NRG3: variants seen among roughly 807,000 people sequenced by gnomAD.
The protein encoded by NRG3 is neuregulin 3, also known as pro-neuregulin-3, membrane-bound isoform.
In NRG3, 31 loss-of-function variants were observed where a neutral mutation model predicts 66.9. The observed-to-expected ratio is 0.46, with a 90% CI of 0.35 to 0.63. NRG3 has a LOEUF of 0.63. NRG3 is among the 20% of genes least tolerant of loss of function. The probability of loss-of-function intolerance (pLI) is 0.00; values close to 1 mark genes in which losing one functional copy is unlikely to be tolerated. For missense variants in NRG3, 910 were observed against 878.9 expected (o/e 1.04, Z -0.45); for synonymous variants, 393 against 359.4 (o/e 1.09, Z -1.06).
rs561664583 is a variant in NRG3 at position 82,403,959 on chromosome 10, C to T, written c.953+45091C>T. 2.0e-5 allele frequency among the ~76,000 whole-genome samples: 3 copies of T among 152,018 alleles called. No homozygotes were observed. The South Asian group carries it at 6.3e-4, about 32-fold the overall frequency. The stretch of plus-strand genomic sequence containing the variant: ...ATATATGAAAAACAATTTTGTATGC[C>T]CTGAATTATTTATGGAATTTTGTAA... On this transcript the variant is annotated intron_variant, in intron 2 of 8. Coordinates refer to ENST00000372141, the MANE Select transcript of NRG3 (RefSeq NM_001010848.4).
intron 3 of NRG3, among the ~76,000 whole-genome samples, chr10:82,853,049 A>G (rs2063639044): frequency 6.6e-6 from 1 of 152,202 alleles, no homozygotes; most frequent in Non-Finnish European, 1.5e-5. Flanking sequence ...AGAATAGGGT[A>G]AGGCAGGATT....
chr10:82,378,952 G>T (rs983914403), intron 2 of NRG3, among the ~76,000 whole-genome samples: 3 of 152,104 alleles, frequency 2.0e-5, no homozygotes, highest in African/African-American at 7.2e-5. Context: ...CAGACTATAA[G>T]GATAAGAGCA....
intron 4 of NRG3, among the ~76,000 whole-genome samples, chr10:82,927,740 T>C (rs1453122599): frequency 2.0e-5 from 3 of 152,230 alleles, no homozygotes; most frequent in Non-Finnish European, 4.4e-5. Flanking sequence ...ATGCAGTCTA[T>C]CATTGATGAG....
At chr10:82,095,307 A>G (rs1039413753) in intron 1 of NRG3, among the ~76,000 whole-genome samples, 36 of 152,264 alleles carry the variant, frequency 2.4e-4, no homozygotes, top group African/African-American at 8.4e-4. Context: ...AGCCAAAAAA[A>G]AAAAATGAGA....
intron 3 of NRG3, among the ~76,000 whole-genome samples, chr10:82,820,070 G>GCAA (rs2061881653): frequency 6.6e-6 from 1 of 152,152 alleles, no homozygotes; most frequent in Admixed American, 6.5e-5. Context: ...GTTTCCGAGA[G>GCAA]CAACAAAGTG....
At chr10:82,108,920 A>G (rs1402724695) in intron 1 of NRG3, among the ~76,000 whole-genome samples, 3 of 152,132 alleles carry the variant, frequency 2.0e-5, no homozygotes, top group African/African-American at 7.2e-5. Context: ...TTCCTGCTAT[A>G]TGAGCAACAT....
chr10:82,515,092 G>C (rs1435829157), intron 2 of NRG3, among the ~76,000 whole-genome samples: 1 of 152,118 alleles, frequency 6.6e-6, no homozygotes, highest in Non-Finnish European at 1.5e-5. Context: ...CAGACTCCCT[G>C]ATTTTTGCTA....
At chr10:82,711,152 C>T (rs141417877) in intron 2 of NRG3, among the ~76,000 whole-genome samples, 1,645 of 152,282 alleles carry the variant, frequency 0.011, 30 homozygotes, top group African/African-American at 0.038. Context: ...TATCATAGCT[C>T]ACTGCAGCCT....
At chr10:82,068,412 A>G (rs1270970256) in intron 1 of NRG3, among the ~76,000 whole-genome samples, 4 of 152,210 alleles carry the variant, frequency 2.6e-5, no homozygotes, top group Admixed American at 6.5e-5. Context: ...TATCAAGCAC[A>G]TACTACATGA....
At chr10:82,009,013 A>G (rs868337736) in intron 1 of NRG3, among the ~76,000 whole-genome samples, 26 of 152,322 alleles carry the variant, frequency 1.7e-4, no homozygotes, top group Middle Eastern at 6.8e-3. Flanking sequence ...AGTTTCAAGT[A>G]TGAACTTGAT....
At chr10:82,622,104 G>T (rs1380291537) in intron 2 of NRG3, among the ~76,000 whole-genome samples, 1 of 152,156 alleles carries the variant, frequency 6.6e-6, no homozygotes, top group Non-Finnish European at 1.5e-5. Flanking sequence ...TTGCAAGGAG[G>T]TAAGACTACC....
intron 5 of NRG3, among the ~76,000 whole-genome samples, chr10:82,955,477 G>C (rs1399909724): frequency 6.6e-6 from 1 of 151,918 alleles, no homozygotes; most frequent in Non-Finnish European, 1.5e-5. Flanking sequence ...AACTTATGTA[G>C]TTAAGAATGA....
chr10:81,973,809 C>A (rs1023361171), intron 1 of NRG3, among the ~76,000 whole-genome samples: 2 of 152,006 alleles, frequency 1.3e-5, no homozygotes, highest in African/African-American at 4.8e-5. Flanking sequence ...AGATATTAGA[C>A]CTTTGTCAGA....
intron 2 of NRG3, among the ~76,000 whole-genome samples, chr10:82,515,168 G>A (rs367938215): frequency 7.9e-5 from 12 of 152,192 alleles, no homozygotes; most frequent in Middle Eastern, 3.4e-3. Flanking sequence ...ACTATATGAT[G>A]TAAGTTTCCA....
chr10:82,972,315 G>A (rs1462447534), intron 6 of NRG3, among the ~76,000 whole-genome samples: 1 of 151,922 alleles, frequency 6.6e-6, no homozygotes, highest in Non-Finnish European at 1.5e-5. Context: ...ATCCCAGCTA[G>A]GATTTTTTGT....
intron 3 of NRG3, chr10:82,827,052 C>A: frequency 3.6e-6 from 1 of 274,778 alleles, no homozygotes. Flanking sequence ...CATAGATATG[C>A]CTGAGTTTTA....
At chr10:82,382,940 A>G (rs1208697932) in intron 2 of NRG3, among the ~76,000 whole-genome samples, 2 of 151,954 alleles carry the variant, frequency 1.3e-5, no homozygotes, top group Non-Finnish European at 2.9e-5. Context: ...ACCTCTAATA[A>G]TGTACTTAAG....
chr10:82,553,769 A>G (rs993055711), intron 2 of NRG3, among the ~76,000 whole-genome samples: 27 of 152,112 alleles, frequency 1.8e-4, no homozygotes, highest in African/African-American at 6.0e-4. Flanking sequence ...TTGAACTAAT[A>G]AAAGTTTCTC....
intron 1 of NRG3, among the ~76,000 whole-genome samples, chr10:82,000,822 T>C (rs2061133209): frequency 6.6e-6 from 1 of 152,180 alleles, no homozygotes; most frequent in Admixed American, 6.5e-5. Context: ...CTGCTGCAAA[T>C]CATTTCTGTT....
Sources: gnomAD v4.1 joint callset for allele counts (sites outside exome capture counted in the v4.1 genomes callset) on GRCh38, gnomAD v4.1.1 for gene constraint, MANE v1.5 for transcripts, NCBI Gene and HGNC (gene_info 2026-07-23, HGNC 2026-07-21) for gene names.